Variants in GALNT14 observed in about 807,000 individuals in gnomAD.
GALNT14 encodes UDP-GalNAc:polypeptide N-acetylgalactosaminyltransferase 14.
GALNT14 carries 60 observed loss-of-function variants against 77.5 expected under a neutral mutation model. The ratio of observed to expected loss-of-function variants is 0.77; its 90% CI spans 0.63 to 0.96. The LOEUF is 0.96. GALNT14 is among the 40% of genes least tolerant of loss of function. The pLI is 0.00. For synonymous variants in GALNT14, 280 were observed against 281.7 expected (o/e 0.99, Z 0.06); for missense variants, 710 against 731.0 (o/e 0.97, Z 0.33).
chr2:30,993,080 C>G (rs923075211), intron 1 of GALNT14, 73 bp from the exon 2 acceptor site: 1 of 1,513,316 alleles, frequency 6.6e-7, no homozygotes, highest in Non-Finnish European at 9.0e-7. Flanking sequence ...CCTATCAGTA[C>G]CCAACCCCAG....
chr2:31,092,016 G>C (rs1676769699), intron 1 of GALNT14, among the ~76,000 whole-genome samples: 1 of 152,126 alleles, frequency 6.6e-6, no homozygotes, highest in African/African-American at 2.4e-5. Flanking sequence ...TTTCTGCCGT[G>C]CTGGATGCTT....
the GALNT14 span, among the ~76,000 whole-genome samples, chr2:30,903,773 A>C: frequency 2.0e-5 from 3 of 152,360 alleles, no homozygotes; most frequent in East Asian, 3.9e-4. Context: ...GCTAAATTTC[A>C]GGGTCATTTG....
At chr2:30,964,496 A>G (rs972965234) in intron 3 of GALNT14, among the ~76,000 whole-genome samples, 1 of 152,180 alleles carries the variant, frequency 6.6e-6, no homozygotes, top group African/African-American at 2.4e-5. Context: ...ATCTACCCCG[A>G]GACTCCCGGT....
intron 1 of GALNT14, among the ~76,000 whole-genome samples, chr2:31,053,917 C>T (rs769929567): frequency 9.9e-5 from 15 of 152,200 alleles, no homozygotes; most frequent in Non-Finnish European, 2.2e-4. Flanking sequence ...CCAGATCTTA[C>T]ACACCCTTGA....
chr2:31,134,090 C>T (rs561639177), intron 1 of GALNT14, among the ~76,000 whole-genome samples: 1 of 152,192 alleles, frequency 6.6e-6, no homozygotes, highest in African/African-American at 2.4e-5. Flanking sequence ...TGAGTGGAGA[C>T]ATTTCCTAAG....
chr2:31,084,374 G>A (rs1676307919), intron 1 of GALNT14, among the ~76,000 whole-genome samples: 1 of 152,194 alleles, frequency 6.6e-6, no homozygotes, highest in African/African-American at 2.4e-5. Context: ...AACATGTACT[G>A]AACTGATGAT....
intron 1 of GALNT14, among the ~76,000 whole-genome samples, chr2:31,033,229 A>G (rs1432537439): frequency 6.6e-6 from 1 of 152,074 alleles, no homozygotes; most frequent in Non-Finnish European, 1.5e-5. Context: ...GCTCCCACCT[A>G]TCTGTCACGT....
At chr2:31,039,742 G>T (rs1156956289) in intron 1 of GALNT14, among the ~76,000 whole-genome samples, 2 of 151,968 alleles carry the variant, frequency 1.3e-5, no homozygotes, top group African/African-American at 2.4e-5. Flanking sequence ...TTAAAAGAAC[G>T]TGCAGGCCCG....
chr2:30,999,365 C>T (rs142846297), intron 1 of GALNT14, among the ~76,000 whole-genome samples: 2 of 152,284 alleles, frequency 1.3e-5, no homozygotes, highest in Admixed American at 6.5e-5. Flanking sequence ...CCCCCATGGC[C>T]ATTTGGTACT....
At chr2:30,936,055 A>G (rs1666039180) in intron 9 of GALNT14, among the ~76,000 whole-genome samples, 1 of 152,168 alleles carries the variant, frequency 6.6e-6, no homozygotes, top group Non-Finnish European at 1.5e-5. Context: ...GGAGACCCAA[A>G]TCCACTTTGA....
chr2:30,923,475 G>T (rs1216852372), intron 13 of GALNT14, among the ~76,000 whole-genome samples: 2 of 152,172 alleles, frequency 1.3e-5, no homozygotes, highest in Admixed American at 1.3e-4. Flanking sequence ...ATGGCAGGGA[G>T]GGGGAGATAC....
At chr2:31,004,311 G>T (rs986607626) in intron 1 of GALNT14, among the ~76,000 whole-genome samples, 1 of 152,136 alleles carries the variant, frequency 6.6e-6, no homozygotes, top group African/African-American at 2.4e-5. Flanking sequence ...AGCACAGGAG[G>T]GTGAATTTGC....
At chr2:30,974,582 C>T (rs889345653) in intron 2 of GALNT14, among the ~76,000 whole-genome samples, 1 of 152,200 alleles carries the variant, frequency 6.6e-6, no homozygotes, top group Non-Finnish European at 1.5e-5. Context: ...GTCTCTCTCC[C>T]ATATATCTGA....
At chr2:30,996,816 G>A (rs963599042) in intron 1 of GALNT14, among the ~76,000 whole-genome samples, 2 of 152,192 alleles carry the variant, frequency 1.3e-5, no homozygotes, top group Non-Finnish European at 2.9e-5. Context: ...CCCTCAGACT[G>A]TCATATGCAC....
chr2:31,038,564 G>C (rs746403838), intron 1 of GALNT14, among the ~76,000 whole-genome samples: 1 of 151,970 alleles, frequency 6.6e-6, no homozygotes, highest in African/African-American at 2.4e-5. Context: ...TTGGCCGGGG[G>C]AGGGGGAGGG....
intron 1 of GALNT14, chr2:31,078,785 A>T: frequency 4.0e-6 from 2 of 504,320 alleles, no homozygotes; most frequent in South Asian, 4.0e-5. Flanking sequence ...AGCAGGCAGC[A>T]TCCGAGAACA....
At chr2:31,105,897 C>T (rs192800882) in intron 1 of GALNT14, among the ~76,000 whole-genome samples, 145 of 152,270 alleles carry the variant, frequency 9.5e-4, no homozygotes, top group South Asian at 5.0e-3. Flanking sequence ...TTCTAGCCTT[C>T]CTTCTTTCCA....
intron 1 of GALNT14, chr2:31,125,149 C>A (rs1322601411): frequency 1.7e-5 from 27 of 1,546,972 alleles, no homozygotes; most frequent in Non-Finnish European, 2.4e-5. Context: ...ACACAGTCAA[C>A]CTACCTGTAG....
chr2:31,083,918 T>C (rs889829549), intron 1 of GALNT14, among the ~76,000 whole-genome samples: 1 of 152,200 alleles, frequency 6.6e-6, no homozygotes, highest in Admixed American at 6.5e-5. Flanking sequence ...GGAGAAGTCC[T>C]GGTGAAAGGC....
Sources: allele counts gnomAD v4.1 joint callset (sites outside exome capture counted in the v4.1 genomes callset), GRCh38; gene constraint gnomAD v4.1.1; transcripts MANE v1.5; gene names NCBI Gene and HGNC (gene_info 2026-07-23, HGNC 2026-07-21).